Variants in MAP3K13 observed in about 807,000 individuals in gnomAD.
The protein encoded by MAP3K13 is leucine zipper-bearing kinase.
Under a neutral mutation model 104.0 loss-of-function variants are expected in MAP3K13, and 52 were observed. The observed-to-expected ratio is 0.50, with a 90% confidence interval of 0.40 to 0.63. The LOEUF is 0.63. Among genes scored for constraint, MAP3K13 ranks in the 20% least tolerant of loss-of-function variants. The pLI, the probability that MAP3K13 is intolerant of heterozygous loss-of-function variation, is 0.00. For missense variants in MAP3K13, 914 were observed against 1,218.5 expected, an observed-to-expected ratio of 0.75 and a Z score of 3.72; for synonymous variants, 394 against 442.2, an observed-to-expected ratio of 0.89 and a Z score of 1.37.
intron 1 of MAP3K13, among the ~76,000 whole-genome samples, chr3:185,377,409 G>A (rs1724484197): frequency 6.6e-6 from 1 of 152,112 alleles, no homozygotes; most frequent in Non-Finnish European, 1.5e-5. Flanking sequence ...GAGATACAAG[G>A]AGAGGATGTG....
At chr3:185,333,166 C>A (rs1327616879) in intron 2 of MAP3K13, among the ~76,000 whole-genome samples, 1 of 151,708 alleles carries the variant, frequency 6.6e-6, no homozygotes, top group East Asian at 1.9e-4. Flanking sequence ...TTGAGTTTTC[C>A]AAATTTATAA....
chr3:185,415,812 A>G (rs1214405087), intron 1 of MAP3K13, among the ~76,000 whole-genome samples: 5 of 151,168 alleles, frequency 3.3e-5, no homozygotes, highest in African/African-American at 1.2e-4. Flanking sequence ...CAAACTCCCA[A>G]CCTCAGGTGA....
At chr3:185,476,980 T>C (rs1718167609) in intron 11 of MAP3K13, 2 of 391,174 alleles carry the variant, frequency 5.1e-6, no homozygotes, top group Non-Finnish European at 9.8e-6. Context: ...CTAGTGACAA[T>C]GATTACAAGA....
chr3:185,292,266 C>T (rs1296607098), intron 2 of MAP3K13: 1 of 151,778 alleles, frequency 6.6e-6, no homozygotes, highest in Non-Finnish European at 1.5e-5. Flanking sequence ...GATCACGCCA[C>T]TGCATTCCAG....
At chr3:185,397,033 T>C (rs1219790026) in intron 1 of MAP3K13, among the ~76,000 whole-genome samples, 1 of 75,478 alleles carries the variant, frequency 1.3e-5, no homozygotes, top group Non-Finnish European at 3.6e-5. Context: ...GTATTCATTC[T>C]TGTTTGTTTT....
At chr3:185,311,117 C>A (rs1721481221) in intron 2 of MAP3K13, among the ~76,000 whole-genome samples, 1 of 152,136 alleles carries the variant, frequency 6.6e-6, no homozygotes, top group African/African-American at 2.4e-5. Flanking sequence ...TAGGAATATT[C>A]CTACTCCAAG....
intron 1 of MAP3K13, among the ~76,000 whole-genome samples, 173 bp from the exon 2 acceptor site, chr3:185,428,324 A>G (rs935525168): frequency 2.6e-5 from 4 of 152,120 alleles, no homozygotes; most frequent in East Asian, 3.9e-4. Flanking sequence ...TGTCATGTTC[A>G]TAAATACTCT....
intron 2 of MAP3K13, among the ~76,000 whole-genome samples, chr3:185,307,724 A>G (rs1454588458): frequency 6.6e-6 from 1 of 151,858 alleles, no homozygotes; most frequent in Non-Finnish European, 1.5e-5. Context: ...TTGTATTTTT[A>G]GTAGAGATGG....
At chr3:185,399,489 T>C (rs1461090149) in intron 1 of MAP3K13, among the ~76,000 whole-genome samples, 1 of 151,242 alleles carries the variant, frequency 6.6e-6, no homozygotes, top group Non-Finnish European at 1.5e-5. Context: ...GTGCCTGTAA[T>C]CCCAGCTACT....
chr3:185,396,499 T>C (rs1712430934), intron 1 of MAP3K13, among the ~76,000 whole-genome samples: 1 of 152,172 alleles, frequency 6.6e-6, no homozygotes, highest in Non-Finnish European at 1.5e-5. Flanking sequence ...GAAAGGGTAA[T>C]ACACCTCAAT....
intron 1 of MAP3K13, among the ~76,000 whole-genome samples, chr3:185,396,769 C>T (rs970908202): frequency 1.3e-5 from 2 of 152,248 alleles, no homozygotes; most frequent in Admixed American, 6.5e-5. Flanking sequence ...TTCCCTCCTT[C>T]CCTTATTTTT....
intron 2 of MAP3K13, among the ~76,000 whole-genome samples, chr3:185,356,617 C>T (rs1006708286): frequency 6.6e-6 from 1 of 152,172 alleles, no homozygotes; most frequent in East Asian, 1.9e-4. Context: ...AAATGTTCAG[C>T]CCCCACCCAG....
At chr3:185,413,751 G>A (rs1289870101) in intron 1 of MAP3K13, among the ~76,000 whole-genome samples, 2 of 152,154 alleles carry the variant, frequency 1.3e-5, no homozygotes, top group Non-Finnish European at 2.9e-5. Context: ...GAACCCGGGA[G>A]GCAGATGTTG....
chr3:185,375,121 AC>A (rs1467467306), intron 1 of MAP3K13, among the ~76,000 whole-genome samples: 2 of 152,108 alleles, frequency 1.3e-5, no homozygotes, highest in East Asian at 3.8e-4. Context: ...CCATTATTGG[AC>A]TGTATAAAGG....
chr3:185,428,503 G>T lies in MAP3K13; in HGVS notation c.-79G>T. 1 of 1,492,938 alleles carries T rather than the reference G, an allele frequency of 6.7e-7. No homozygotes were observed. Among genetic ancestry groups the T allele is most frequent in the South Asian group, 1.4e-5 (1 of 70,170 alleles). The allele number at this position is 1,492,938 out of a possible 1,614,324, so 92.5% of individuals were successfully genotyped here. On this transcript the variant is annotated 5_prime_UTR_variant, in exon 2 of 14. Coordinates refer to ENST00000265026, the MANE Select transcript of MAP3K13 (RefSeq NM_004721.5). ...TCCCTCCTGTTTTTCTCAGGTTTTG[G>T]AGCCCTCTCTTAAGTCAGAACTCTG...
intron 2 of MAP3K13, among the ~76,000 whole-genome samples, chr3:185,313,328 G>A (rs1721560831): frequency 6.7e-6 from 1 of 148,610 alleles, no homozygotes. Flanking sequence ...GGAGTGCAGT[G>A]GCGTGATCTC....
At chr3:185,403,026 G>T (rs1360674027) in intron 1 of MAP3K13, among the ~76,000 whole-genome samples, 2 of 152,108 alleles carry the variant, frequency 1.3e-5, no homozygotes, top group Non-Finnish European at 2.9e-5. Flanking sequence ...GAAGATACTG[G>T]TATATAGTCT....
At chr3:185,326,767 G>A (rs1449026027) in intron 2 of MAP3K13, among the ~76,000 whole-genome samples, 1 of 152,062 alleles carries the variant, frequency 6.6e-6, no homozygotes, top group Non-Finnish European at 1.5e-5. Flanking sequence ...TAGCTCATGG[G>A]CCAAAGACTT....
intron 2 of MAP3K13, among the ~76,000 whole-genome samples, chr3:185,317,992 T>G (rs1402886019): frequency 6.6e-6 from 1 of 151,458 alleles, no homozygotes; most frequent in African/African-American, 2.4e-5. Context: ...AGGAAAAAAA[T>G]TGCCTTTGTG....
Sources: gnomAD v4.1 joint callset for allele counts (sites outside exome capture counted in the v4.1 genomes callset) on GRCh38, gnomAD v4.1.1 for gene constraint, MANE v1.5 for transcripts, NCBI Gene and HGNC (gene_info 2026-07-23, HGNC 2026-07-21) for gene names.